AFF2: variants seen among roughly 807,000 people sequenced by gnomAD.
The protein encoded by AFF2 is AF4/FMR2 family member 2.
A neutral mutation model predicts 76.9 loss-of-function variants in AFF2; 14 were observed. That is an observed-to-expected ratio of 0.18 (90% CI 0.12 to 0.28). AFF2 has a LOEUF of 0.28. AFF2 is among the 10% of genes least tolerant of loss of function. The pLI is 1.00. For missense variants in AFF2, 868 were observed against 1,001.1 expected, an observed-to-expected ratio of 0.87 and a Z score of 1.79; for synonymous variants, 398 against 366.7, an observed-to-expected ratio of 1.09 and a Z score of -0.98.
intron 7 of AFF2, among the ~76,000 whole-genome samples, chrX:148,850,018 A>G (rs1557275167): frequency 9.0e-6 from 1 of 111,476 alleles, no homozygotes; most frequent in East Asian, 2.9e-4. Flanking sequence ...TATACTACAC[A>G]TGCTGACATG....
intron 1 of AFF2, among the ~76,000 whole-genome samples, chrX:148,596,440 T>G (rs1238806162): frequency 9.0e-6 from 1 of 111,650 alleles, no homozygotes; most frequent in African/African-American, 3.3e-5. Context: ...TCTAGCCAGG[T>G]CTCTCTCCTT....
chrX:148,858,556 C>T (rs2070811403), intron 7 of AFF2, among the ~76,000 whole-genome samples: 1 of 111,029 alleles, frequency 9.0e-6, no homozygotes, highest in Non-Finnish European at 1.9e-5. Context: ...TCTATTGTGC[C>T]ATGTGATGCT....
chrX:148,809,158 C>T (rs1053155533), intron 3 of AFF2, among the ~76,000 whole-genome samples: 2 of 111,946 alleles, frequency 1.8e-5, no homozygotes, highest in Non-Finnish European at 3.8e-5. Context: ...AGATGGTTGC[C>T]TGACTCTCAA....
chrX:148,892,277 A>T (rs1557279830), intron 8 of AFF2, among the ~76,000 whole-genome samples: 4 of 111,885 alleles, frequency 3.6e-5, no homozygotes, highest in Non-Finnish European at 1.9e-5. Flanking sequence ...TAAGCATATG[A>T]GCATTTACAG....
intron 1 of AFF2, among the ~76,000 whole-genome samples, chrX:148,625,313 C>T (rs1557251875): frequency 9.0e-6 from 1 of 111,329 alleles, no homozygotes; most frequent in Non-Finnish European, 1.9e-5. Context: ...AGCATGCTGG[C>T]CTGTCCTGAG....
At chrX:148,859,863 A>C (rs1363525067) in intron 7 of AFF2, among the ~76,000 whole-genome samples, 2 of 110,687 alleles carry the variant, frequency 1.8e-5, no homozygotes, top group Non-Finnish European at 3.8e-5. Context: ...GTACATGTGC[A>C]CAATGTGCAG....
At chrX:148,693,301 G>A (rs1182907860) in intron 3 of AFF2, among the ~76,000 whole-genome samples, 2 of 111,476 alleles carry the variant, frequency 1.8e-5, no homozygotes, top group African/African-American at 6.5e-5. Flanking sequence ...TGAGTCAGGA[G>A]CTTTCTTAGG....
intron 1 of AFF2, among the ~76,000 whole-genome samples, chrX:148,518,896 G>C (rs2052566505): frequency 9.0e-6 from 1 of 111,445 alleles, no homozygotes; most frequent in Non-Finnish European, 1.9e-5. Context: ...TGTTGGTTGG[G>C]GTAAAGGGGA....
In AFF2 at chrX:148,962,779, C is replaced by T; in HGVS notation, c.2755C>T (p.Pro919Ser). 1.7e-6 allele frequency: 2 copies of T among 1,210,993 alleles called. No individual in the cohort carries two copies. The highest frequency in any genetic ancestry group is 2.2e-6 in the Non-Finnish European group (2 of 894,962). ...EEKLFPPPLS[P>S]LPEDPPRRRN... ...AAAACTATTTCCTCCTCCACTTTCCCCACTGCCAGAGGACCCTCCACGCCG... is the reference window on the plus strand; with the variant it reads ...AAAACTATTTCCTCCTCCACTTTCCTCACTGCCAGAGGACCCTCCACGCCG... Residue 919 changes from proline to serine, a missense_variant, in exon 13 of 21, where the codon CCA becomes TCA. Coordinates refer to ENST00000370460, the MANE Select transcript of AFF2 (RefSeq NM_002025.4).
intron 9 of AFF2, among the ~76,000 whole-genome samples, chrX:148,950,338 T>A (rs1280590651): frequency 1.8e-5 from 2 of 112,191 alleles, no homozygotes; most frequent in East Asian, 5.6e-4. Context: ...GAGCAGAAGA[T>A]GGAGAGTAGA....
intron 16 of AFF2, among the ~76,000 whole-genome samples, chrX:148,976,421 C>A (rs180777693): frequency 1.1e-3 from 124 of 111,910 alleles, no homozygotes; most frequent in African/African-American, 3.9e-3. Context: ...CTATGTTTTA[C>A]TTTTTTTATA....
chrX:148,966,976 C>T lies in AFF2; in HGVS notation c.3100C>T (p.Leu1034Phe), dbSNP rs782243009. ...CATCACCTCTACCATCACTACTGGCCTCATGGATAGCAGTCACCTGGAGAT... is the reference window on the plus strand; with the variant it reads ...CATCACCTCTACCATCACTACTGGCTTCATGGATAGCAGTCACCTGGAGAT... ...STITSTITTG[L>F]MDSSHLEMTS... The change falls in exon 14 of 21, where the codon CTC becomes TTC. Residue 1034 changes from leucine (L) to phenylalanine (F), a missense_variant. This residue lies in a region of AFF2 where 532 missense variants were observed against 564.2 expected (regional missense o/e 0.94). Coordinates refer to ENST00000370460, the MANE Select transcript of AFF2 (RefSeq NM_002025.4). 1.7e-6 allele frequency: 2 copies of T among 1,211,786 alleles called. No homozygotes were observed. The highest frequency in any genetic ancestry group is 3.5e-5 in the African/African-American group (2 of 57,734).
In AFF2 at chrX:148,997,964, G is replaced by C. The variant is rs1201503572; in HGVS notation, c.*6632G>C. ...ATATTTTAGAAAGAGAAATGTCTGA[G>C]ATAAAATCCCTCACATTTACTCAAT... is the stretch of plus-strand genomic sequence containing the variant. On this transcript the variant is annotated 3_prime_UTR_variant, in exon 21 of 21. Coordinates refer to ENST00000370460, the MANE Select transcript of AFF2 (RefSeq NM_002025.4). 8.9e-6 allele frequency: 1 copy of C among 112,539 alleles called. No homozygotes were observed. Among genetic ancestry groups the C allele is most frequent in the Non-Finnish European group, 1.9e-5 (1 of 53,332 alleles). The allele number at this position is 112,539 out of a possible 1,213,427, so 9.3% of individuals were successfully genotyped here.
At chrX:148,670,481 A>G (rs1380156616) in intron 3 of AFF2, among the ~76,000 whole-genome samples, 1 of 111,862 alleles carries the variant, frequency 8.9e-6, no homozygotes, top group African/African-American at 3.3e-5. Context: ...AGTGAGTAAA[A>G]TGTGAAGTAT....
intron 3 of AFF2, among the ~76,000 whole-genome samples, chrX:148,750,695 A>G (rs2055487278): frequency 8.9e-6 from 1 of 111,898 alleles, no homozygotes; most frequent in Admixed American, 9.5e-5. Flanking sequence ...GGGAATAATA[A>G]TAGTTTTTCA....
At chrX:148,791,329 T>C (rs1795952135) in intron 3 of AFF2, among the ~76,000 whole-genome samples, 1 of 111,710 alleles carries the variant, frequency 9.0e-6, no homozygotes, top group African/African-American at 3.3e-5. Flanking sequence ...GGCAAGAGCA[T>C]GTACAGGGGA....
At chrX:148,871,770 C>CA (rs782762201) in intron 7 of AFF2, among the ~76,000 whole-genome samples, 2 of 111,311 alleles carry the variant, frequency 1.8e-5, no homozygotes, top group Non-Finnish European at 3.8e-5. Flanking sequence ...GCTTGGTCTC[C>CA]ACCCCATCCA....
At chrX:148,827,557 G>T (rs1222295776) in intron 4 of AFF2, among the ~76,000 whole-genome samples, 1 of 111,855 alleles carries the variant, frequency 8.9e-6, no homozygotes, top group Non-Finnish European at 1.9e-5. Context: ...CTGTGTTGTT[G>T]CATTGACACC....
chrX:148,769,706 A>G (rs1399429536), intron 3 of AFF2, among the ~76,000 whole-genome samples: 1 of 110,736 alleles, frequency 9.0e-6, no homozygotes, highest in Non-Finnish European at 1.9e-5. Flanking sequence ...CTGGAGTAGT[A>G]TGGAAAATGA....
Sources: allele counts gnomAD v4.1 joint callset (sites outside exome capture counted in the v4.1 genomes callset), GRCh38; gene constraint gnomAD v4.1.1; regional missense constraint gnomAD v4.1.1; transcripts MANE v1.5; gene names NCBI Gene and HGNC (gene_info 2026-07-23, HGNC 2026-07-21).